Variants in SLC6A3 observed in about 807,000 individuals in gnomAD.
SLC6A3 encodes the protein solute carrier family 6 member 3.
In SLC6A3, 19 loss-of-function variants were observed where a neutral mutation model predicts 70.4. The ratio of observed to expected loss-of-function variants is 0.27; its 90% CI spans 0.19 to 0.40. The LOEUF (loss-of-function observed/expected upper bound fraction) is 0.40, where lower values mean the gene tolerates loss of function less well. SLC6A3 is among the 10% of genes least tolerant of loss of function. The pLI is 1.00. For synonymous variants in SLC6A3, 368 were observed against 356.6 expected, an observed-to-expected ratio of 1.03 and a Z score of -0.36; for missense variants, 613 against 838.5, an observed-to-expected ratio of 0.73 and a Z score of 3.32.
rs758969390 is a variant in SLC6A3 at position 1,414,699 on chromosome 5, G to T, written c.1148C>A (p.Ala383Asp). 6.2e-7 allele frequency: 1 copy of T among 1,612,480 alleles called. No individual in the cohort carries two copies. The highest frequency in any genetic ancestry group is 8.5e-7 in the Non-Finnish European group (1 of 1,179,776). ...QKHSVPIGDV[A>D]KDGPGLIFII... ...CAGCAGGAGGGGCTCACCGTCCTTG[G>T]CCACGTCCCCGATGGGCACACTGTG... Residue 383 changes from alanine (A) to aspartate (D), a missense_variant, in exon 8 of 15, where the codon GCC (alanine) becomes GAC (aspartate). Physicochemically the swap from Ala to Asp is moderately radical, Grantham distance 126. This residue lies in a region of SLC6A3 where 348 missense variants were observed against 481.2 expected (regional missense o/e 0.72). Coordinates refer to ENST00000270349, the MANE Select transcript of SLC6A3 (RefSeq NM_001044.5).
rs1756113026 is a variant in SLC6A3 at position 1,411,165 on chromosome 5, G to T, written c.1269+78C>A. The stretch of plus-strand genomic sequence containing the variant: ...TACGTGAGCCCAGGGATCTTGCCTA[G>T]CCCTGGGAGGGCAGGGCCCCCTCGG... On this transcript the variant is annotated intron_variant, in intron 9 of 14. Transcript: ENST00000270349. This position sits in a 1 kb window ranked among gnomAD's most constrained non-coding sequence, Gnocchi z 6.5. The T allele has an allele frequency of 5.0e-6, 5 of 997,116 alleles. No individual in the cohort carries two copies. Among genetic ancestry groups the T allele is most frequent in the Non-Finnish European group, 7.7e-6 (5 of 645,766 alleles). 61.8% of individuals were successfully genotyped at this position (997,116 alleles called of 1,614,324 possible).
rs1275134035 is a variant in SLC6A3 at position 1,396,764 on chromosome 5, G to A, written c.1840-2006C>T. Among the ~76,000 whole-genome samples, 1 of 152,232 alleles carries A rather than the reference G, an allele frequency of 6.6e-6. No individual in the cohort carries two copies. The highest frequency in any genetic ancestry group is 1.5e-5 in the Non-Finnish European group (1 of 68,048). Reference sequence around the variant, plus strand: ...CCAGGAGAATGTCATGATTCTCGGGGATCTGCATGGGGTGTGCATAAGGTC... The same window carrying A: ...CCAGGAGAATGTCATGATTCTCGGGAATCTGCATGGGGTGTGCATAAGGTC... On this transcript the variant is annotated intron_variant, in intron 14 of 14. Coordinates refer to ENST00000270349, the MANE Select transcript of SLC6A3 (RefSeq NM_001044.5). This position sits in a 1 kb window ranked among gnomAD's most constrained non-coding sequence, Gnocchi z 7.0.
At chr5:1,420,032 A>G (rs1419283399) in intron 6 of SLC6A3, among the ~76,000 whole-genome samples, 5 of 151,622 alleles carry the variant, frequency 3.3e-5, no homozygotes, top group African/African-American at 1.2e-4. Context: ...CCTGCCTCAT[A>G]CCCCAGCTGA....
intron 6 of SLC6A3, among the ~76,000 whole-genome samples, chr5:1,417,855 G>A (rs1160851156): frequency 6.6e-6 from 1 of 152,238 alleles, no homozygotes; most frequent in Non-Finnish European, 1.5e-5. Context: ...GGGAGGCCAG[G>A]TGGGTCTCAG....
At chr5:1,429,803 C>T (rs1354279672) in intron 4 of SLC6A3, among the ~76,000 whole-genome samples, 1 of 152,196 alleles carries the variant, frequency 6.6e-6, no homozygotes, top group Non-Finnish European at 1.5e-5. Flanking sequence ...CACATGCTAA[C>T]CCTGAGAGCT....
At position 1,438,766 on chromosome 5, in the gene SLC6A3, A is replaced by G. The variant is rs376748769; in HGVS notation, c.418+2593T>C. Among the ~76,000 whole-genome samples the G allele has an allele frequency of 2.0e-5, 3 of 152,210 alleles. No individual in the cohort carries two copies. The highest frequency in any genetic ancestry group is 2.1e-4 in the South Asian group (1 of 4,832). ...GTGGGGCACAGGGCTGTGCCTTGTA[A>G]GACACTTGTGACAGACTCCAGGGTG... is the stretch of plus-strand genomic sequence containing the variant. On this transcript the variant is annotated intron_variant, in intron 3 of 14. Transcript: ENST00000270349. This position sits in a 1 kb window ranked among gnomAD's most constrained non-coding sequence, Gnocchi z 6.5.
chr5:1,411,694 T>A lies in SLC6A3; in HGVS notation c.1157-339A>T, dbSNP rs748868862. Among the ~76,000 whole-genome samples, 2 of 152,174 alleles carry A rather than the reference T, an allele frequency of 1.3e-5. No homozygotes were observed. Among genetic ancestry groups the A allele is most frequent in the Non-Finnish European group, 2.9e-5 (2 of 68,028 alleles). On this transcript the variant is annotated intron_variant, in intron 8 of 14. Transcript: ENST00000270349. This position sits in a 1 kb window ranked among gnomAD's most constrained non-coding sequence, Gnocchi z 6.5. ...AGGGGCTTCCAGGCTGGTCCTGCCC[T>A]TCATCCCAGGGACATCTGCTAATGT...
rs1755665005 is a variant in SLC6A3, at chr5:1,394,533, A to G, written c.*202T>C. Reference sequence around the variant, plus strand: ...AGATCTACGTCGTTATTACAGCAACACAAGACACGGCGAGGTGCGCTCCCG... The same window carrying G: ...AGATCTACGTCGTTATTACAGCAACGCAAGACACGGCGAGGTGCGCTCCCG... On this transcript the variant is annotated 3_prime_UTR_variant, in exon 15 of 15. Coordinates refer to ENST00000270349, the MANE Select transcript of SLC6A3 (RefSeq NM_001044.5). The surrounding 1 kb of genome is among the most constrained non-coding windows in gnomAD (Gnocchi z 4.7). 1.5e-6 allele frequency: 1 copy of G among 680,140 alleles called. No individual in the cohort carries two copies. 42.1% of individuals were successfully genotyped at this position (680,140 alleles called of 1,614,324 possible).
chr5:1,428,767 C>T (rs72763597), intron 4 of SLC6A3, among the ~76,000 whole-genome samples: 30 of 146,188 alleles, frequency 2.1e-4, no homozygotes, highest in African/African-American at 4.6e-4. Context: ...GAGGAAGCAC[C>T]ATTAGTGGGG....
chr5:1,395,485 ACCACTGGCCACACCACAGGCT>A (rs1755694836), intron 14 of SLC6A3, among the ~76,000 whole-genome samples: 1 of 152,314 alleles, frequency 6.6e-6, no homozygotes, highest in Non-Finnish European at 1.5e-5. Flanking sequence ...CACTGAAGCT[ACCACTGGCCACACCACAGGCT>A]CCTCTGGCCA....
At chr5:1,416,465 G>C in intron 6 of SLC6A3, 1 of 569,370 alleles carries the variant, frequency 1.8e-6, no homozygotes, top group South Asian at 2.0e-5. Flanking sequence ...TCAAGGCAGC[G>C]ATTCCACAGA....
intron 3 of SLC6A3, among the ~76,000 whole-genome samples, chr5:1,440,412 T>C (rs1237615813): frequency 6.6e-6 from 1 of 151,860 alleles, no homozygotes; most frequent in South Asian, 2.1e-4. Flanking sequence ...ACTGGATGGG[T>C]GGATGAATGG....
rs1755963473 is a variant in SLC6A3 at position 1,405,788 on chromosome 5, G to T, written c.1599+400C>A. Reference sequence around the variant, plus strand: ...GCAACGGGACAGGGCCGAGGCCCCTGCTGCTCTCATCCAGCACTCGGCATC... The same window carrying T: ...GCAACGGGACAGGGCCGAGGCCCCTTCTGCTCTCATCCAGCACTCGGCATC... On this transcript the variant is annotated intron_variant, in intron 12 of 14. Coordinates refer to ENST00000270349, the MANE Select transcript of SLC6A3 (RefSeq NM_001044.5). This position sits in a 1 kb window ranked among gnomAD's most constrained non-coding sequence, Gnocchi z 5.3. Among the ~76,000 whole-genome samples the T allele has an allele frequency of 1.3e-5, 2 of 152,226 alleles. No individual in the cohort carries two copies. Among genetic ancestry groups the T allele is most frequent in the South Asian group, 2.1e-4 (1 of 4,832 alleles).
At chr5:1,416,075 G>A in intron 7 of SLC6A3, 23 bp downstream of exon 7, 3 of 1,567,006 alleles carry the variant, frequency 1.9e-6, no homozygotes, top group Non-Finnish European at 1.8e-6. Context: ...TGAGGCCCCT[G>A]CCTGGCCCTG....
Position 1,437,249 on chromosome 5 carries a change from C to T in SLC6A3, c.418+4110G>A, listed in dbSNP as rs1579725452. On this transcript the variant is annotated intron_variant, in intron 3 of 14. Transcript: ENST00000270349. This position sits in a 1 kb window ranked among gnomAD's most constrained non-coding sequence, Gnocchi z 4.8. ...CTGGTGACAGAGCGAGATTCCGTCT[C>T]ACAAAAAAAAAAAAAAAGAAAAGAA... Among the ~76,000 whole-genome samples the T allele has an allele frequency of 9.2e-6, 1 of 108,832 alleles. No individual in the cohort carries two copies. The highest frequency in any genetic ancestry group is 3.5e-5 in the African/African-American group (1 of 28,744). 71.4% of individuals were successfully genotyped at this position (108,832 alleles called of 152,430 possible). A position where few individuals can be genotyped will look rare whatever the true frequency, so the allele number is the denominator to read the frequency against.
chr5:1,401,297 C>T lies in SLC6A3; in HGVS notation c.1768-311G>A. 2 of 588,538 alleles carry T rather than the reference C, an allele frequency of 3.4e-6. No individual in the cohort carries two copies. Among genetic ancestry groups the T allele is most frequent in the Non-Finnish European group, 6.4e-6 (2 of 312,232 alleles). The allele number at this position is 588,538 out of a possible 1,614,324, so 36.5% of individuals were successfully genotyped here. A position where few individuals can be genotyped will look rare whatever the true frequency, so the allele number is the denominator to read the frequency against. Reference sequence around the variant, plus strand: ...AAATAAAACGTGGTCCTGGAGATGGCTCTTGAGTCTAAGCTACCACGTGTG... The same window carrying T: ...AAATAAAACGTGGTCCTGGAGATGGTTCTTGAGTCTAAGCTACCACGTGTG... On this transcript the variant is annotated intron_variant, in intron 13 of 14. Coordinates refer to ENST00000270349, the MANE Select transcript of SLC6A3 (RefSeq NM_001044.5). This position sits in a 1 kb window ranked among gnomAD's most constrained non-coding sequence, Gnocchi z 6.1.
chr5:1,432,773 C>T, intron 3 of SLC6A3, 75 bp from the exon 4 acceptor site: 5 of 994,084 alleles, frequency 5.0e-6, no homozygotes, highest in Non-Finnish European at 7.9e-6. Flanking sequence ...GTCCCTTCCA[C>T]CTCCCCTCAC....
At chr5:1,415,224 C>T (rs1054964128) in intron 7 of SLC6A3, among the ~76,000 whole-genome samples, 8 of 152,200 alleles carry the variant, frequency 5.3e-5, no homozygotes, top group East Asian at 3.9e-4. Flanking sequence ...CTCCCAAGGG[C>T]GCTGGTGCTG....
At chr5:1,432,741 A>G (rs1460489622) in intron 3 of SLC6A3, 43 bp from the exon 4 acceptor site, 3 of 1,414,764 alleles carry the variant, frequency 2.1e-6, no homozygotes, top group Admixed American at 3.5e-5. Flanking sequence ...CAGGTGGAGC[A>G]CAGAGCCACC....
Sources: allele counts gnomAD v4.1 joint callset (sites outside exome capture counted in the v4.1 genomes callset), GRCh38; gene constraint gnomAD v4.1.1; regional missense constraint gnomAD v4.1.1; non-coding constraint Gnocchi (gnomAD v3.1); transcripts MANE v1.5; gene names NCBI Gene and HGNC (gene_info 2026-07-23, HGNC 2026-07-21).